The following DYM variants were observed in gnomAD, a reference collection of about 807,000 sequenced individuals.
DYM encodes the protein dyggve-Melchior-Clausen syndrome protein.
A neutral mutation model predicts 93.1 loss-of-function variants in DYM; 78 were observed. The observed-to-expected ratio is 0.84, with a 90% CI of 0.70 to 1.01. DYM has a LOEUF of 1.01. DYM is among the 50% of genes least tolerant of loss of function. The pLI is 0.00. For missense variants in DYM, 789 were observed against 845.0 expected (o/e 0.93, Z 0.82); for synonymous variants, 321 against 319.7 (o/e 1.00, Z -0.04).
In DYM at chr18:49,333,992, T is replaced by C. The variant is rs531917695; in HGVS notation, c.495-139A>G. The C allele has an allele frequency of 2.6e-5, 24 of 937,012 alleles. No homozygotes were observed. The African/African-American group carries it at 2.8e-4, about 11-fold the overall frequency. The allele number at this position is 937,012 out of a possible 1,614,324, so 58.0% of individuals were successfully genotyped here. A position where few individuals can be genotyped will look rare whatever the true frequency, so the allele number is the denominator to read the frequency against. On this transcript the variant is annotated intron_variant, in intron 6 of 17. Transcript: ENST00000675505. ...TACTGAAAAATGTTAATACGTTTAA[T>C]ACAAAAATTAAGTCAAGCAAAAATA...
chr18:49,116,959 T>C (rs73441521), intron 16 of DYM, among the ~76,000 whole-genome samples: 6 of 152,266 alleles, frequency 3.9e-5, no homozygotes, highest in African/African-American at 1.4e-4. Context: ...GAAGGACATG[T>C]GGCCAGAGAT....
At position 49,460,602 on chromosome 18, in the gene DYM, G is replaced by C. The variant is rs1234670683; in HGVS notation, c.-258C>G. On this transcript the variant is annotated 5_prime_UTR_variant, in exon 1 of 18. Transcript: ENST00000675505. ...CTCGGCCCCGGCTCGGCTCCAGCCC[G>C]GGCCGCGTCGGTGCGGAGGCCAGGA... 1 of 152,238 alleles carries C rather than the reference G, an allele frequency of 6.6e-6. No homozygotes were observed. The highest frequency in any genetic ancestry group is 1.9e-4 in the East Asian group (1 of 5,146). The allele number at this position is 152,238 out of a possible 1,614,324, so 9.4% of individuals were successfully genotyped here.
chr18:49,346,467 A>G (rs1457772214), intron 6 of DYM, among the ~76,000 whole-genome samples: 1 of 152,170 alleles, frequency 6.6e-6, no homozygotes, highest in African/African-American at 2.4e-5. Context: ...GGGGCAGAAG[A>G]GAGGGATAAA....
intron 2 of DYM, among the ~76,000 whole-genome samples, chr18:49,428,895 A>AT (rs944404427): frequency 2.0e-5 from 3 of 152,160 alleles, no homozygotes; most frequent in Non-Finnish European, 4.4e-5. Context: ...AAAGTGTATT[A>AT]TTTTTCTATT....
chr18:49,446,092 T>C (rs1371640881), intron 1 of DYM, among the ~76,000 whole-genome samples: 1 of 152,190 alleles, frequency 6.6e-6, no homozygotes, highest in African/African-American at 2.4e-5. Context: ...GGCAGATTTA[T>C]AAACGCAGAG....
At chr18:49,273,999 T>C (rs2094781080) in intron 10 of DYM, among the ~76,000 whole-genome samples, 1 of 152,098 alleles carries the variant, frequency 6.6e-6, no homozygotes. Context: ...TTCTTTTAAA[T>C]ATTTGTATTC....
At chr18:49,180,813 G>A (rs2089856326) in intron 14 of DYM, among the ~76,000 whole-genome samples, 1 of 152,170 alleles carries the variant, frequency 6.6e-6, no homozygotes, top group Admixed American at 6.5e-5. Flanking sequence ...GATGGTGGCA[G>A]TTAAGAGTTG....
At chr18:49,182,066 A>T (rs1450988571) in intron 14 of DYM, among the ~76,000 whole-genome samples, 1 of 152,180 alleles carries the variant, frequency 6.6e-6, no homozygotes, top group Non-Finnish European at 1.5e-5. Flanking sequence ...TGGATTATTT[A>T]GAAGTATGTT....
Position 49,090,201 on chromosome 18 carries a change from G to C in DYM, c.2025+7201C>G, listed in dbSNP as rs531193434. Among the ~76,000 whole-genome samples, 4 of 152,288 alleles carry C rather than the reference G, an allele frequency of 2.6e-5. No individual in the cohort carries two copies. The East Asian group carries it at 5.8e-4, about 22-fold the overall frequency. ...CTTGATCTTTGTCTTTATTGGACAA[G>C]AAACTCAAGGAGAGTCAGAATGGGA... On this transcript the variant is annotated intron_variant, in intron 17 of 17. Transcript: ENST00000675505.
chr18:49,191,959 C>A (rs995716626), intron 14 of DYM, among the ~76,000 whole-genome samples: 1 of 152,016 alleles, frequency 6.6e-6, no homozygotes, highest in African/African-American at 2.4e-5. Context: ...ATTTTGGAGA[C>A]GGGGTCTCAC....
chr18:49,364,268 A>C (rs1462088055), intron 5 of DYM, among the ~76,000 whole-genome samples: 1 of 152,174 alleles, frequency 6.6e-6, no homozygotes, highest in African/African-American at 2.4e-5. Flanking sequence ...AACATGGTGA[A>C]ACCCCACCTC....
In DYM at chr18:49,318,805, T is replaced by C. The variant is rs1004926665; in HGVS notation, c.763+13059A>G. Among the ~76,000 whole-genome samples the C allele has an allele frequency of 8.1e-5, 11 of 135,736 alleles. No individual in the cohort carries two copies. In the East Asian group the frequency reaches 1.6e-3, roughly 20 times the overall value. 89.0% of individuals were successfully genotyped at this position (135,736 alleles called of 152,430 possible). On this transcript the variant is annotated intron_variant, in intron 8 of 17. Coordinates refer to ENST00000675505, the MANE Select transcript of DYM (RefSeq NM_001353214.3). ...TAACATTATTTCTTTTTCTTTTTTT[T>C]TTTTTTTTTTTTTGAGACAGAGTCT...
At chr18:49,279,837 C>T (rs562501490) in intron 10 of DYM, among the ~76,000 whole-genome samples, 19 of 152,312 alleles carry the variant, frequency 1.2e-4, no homozygotes, top group African/African-American at 3.6e-4. Flanking sequence ...CCCACCTAGA[C>T]CTGATGTGGA....
At chr18:49,052,744 A>C (rs1299032343) in intron 17 of DYM, among the ~76,000 whole-genome samples, 1 of 152,184 alleles carries the variant, frequency 6.6e-6, no homozygotes, top group Non-Finnish European at 1.5e-5. Context: ...GGCTTCTAAG[A>C]ACCCCTTTGG....
At chr18:49,046,530 C>T (rs1040738831) in intron 17 of DYM, among the ~76,000 whole-genome samples, 3 of 151,026 alleles carry the variant, frequency 2.0e-5, no homozygotes, top group Non-Finnish European at 4.4e-5. Context: ...CACACACACA[C>T]CAGACACACA....
intron 8 of DYM, among the ~76,000 whole-genome samples, chr18:49,302,619 C>T (rs112835793): frequency 0.015 from 2,277 of 151,788 alleles, 58 homozygotes; most frequent in African/African-American, 0.052. Context: ...GGTGGGGGGA[C>T]GAGTGAAAGA....
chr18:49,362,154 C>G (rs1000320001), intron 6 of DYM, among the ~76,000 whole-genome samples: 1 of 151,896 alleles, frequency 6.6e-6, no homozygotes, highest in East Asian at 1.9e-4. Flanking sequence ...GCGTGAGACA[C>G]TGCACCTGGC....
At chr18:49,238,354 AG>A (rs2093934679) in intron 13 of DYM, among the ~76,000 whole-genome samples, 1 of 152,156 alleles carries the variant, frequency 6.6e-6, no homozygotes, top group African/African-American at 2.4e-5. Flanking sequence ...CATCATCTTT[AG>A]GCAAATTGGT....
At chr18:49,230,124 T>C (rs2093652833) in intron 13 of DYM, among the ~76,000 whole-genome samples, 1 of 152,192 alleles carries the variant, frequency 6.6e-6, no homozygotes, top group Non-Finnish European at 1.5e-5. Flanking sequence ...TTCACTATGG[T>C]GGTAAATACA....
Sources: gnomAD v4.1 joint callset for allele counts (sites outside exome capture counted in the v4.1 genomes callset) on GRCh38, gnomAD v4.1.1 for gene constraint, MANE v1.5 for transcripts, NCBI Gene and HGNC (gene_info 2026-07-23, HGNC 2026-07-21) for gene names.